The following CSNK1E variants were observed in gnomAD, a reference collection of about 807,000 sequenced individuals.
CSNK1E encodes the protein casein kinase 1 epsilon, also known as casein kinase I isoform epsilon.
In CSNK1E, 17 loss-of-function variants were observed where a neutral mutation model predicts 46.1. That is an observed-to-expected ratio of 0.37 (90% CI 0.25 to 0.55). The LOEUF is 0.55. Ranked by LOEUF, CSNK1E falls within the 20% of genes least tolerant of loss-of-function variation. The pLI, the probability that CSNK1E is intolerant of heterozygous loss-of-function variation, is 0.82. For synonymous variants in CSNK1E, 241 were observed against 242.6 expected (o/e 0.99, Z 0.06); for missense variants, 386 against 595.4 (o/e 0.65, Z 3.66).
At chr22:38,306,460 C>T (rs1446591110) in intron 2 of CSNK1E, among the ~76,000 whole-genome samples, 1 of 152,172 alleles carries the variant, frequency 6.6e-6, no homozygotes, top group Non-Finnish European at 1.5e-5. Context: ...AGGCCGGGCG[C>T]GGTGGCTCAC....
chr22:38,293,950 A>G, intron 9 of CSNK1E, 159 bp downstream of exon 9: 1 of 824,784 alleles, frequency 1.2e-6, no homozygotes, highest in Non-Finnish European at 1.9e-6. Context: ...CAGACCTCAG[A>G]GGATTAAATG....
At chr22:38,301,990 C>T (rs1038283620) in intron 4 of CSNK1E, among the ~76,000 whole-genome samples, 3 of 152,144 alleles carry the variant, frequency 2.0e-5, no homozygotes, top group Admixed American at 2.0e-4. Context: ...AGCTTTCCTC[C>T]CTATGCTGAT....
intron 2 of CSNK1E, among the ~76,000 whole-genome samples, chr22:38,311,037 A>C (rs1424313487): frequency 6.6e-6 from 1 of 152,138 alleles, no homozygotes; most frequent in Non-Finnish European, 1.5e-5. Flanking sequence ...ACCAGTGAAG[A>C]TGGGAGAGTC....
chr22:38,303,288 A>G lies in CSNK1E; in HGVS notation c.77-40T>C, dbSNP rs775098050. 1 of 1,535,466 alleles carries G rather than the reference A, an allele frequency of 6.5e-7. No individual in the cohort carries two copies. The highest frequency in any genetic ancestry group is 8.8e-7 in the Non-Finnish European group (1 of 1,134,808). Reference sequence around the variant, plus strand: ...GAGGCAAGGGACCAGGGTCACCCTCAAAGGCCAGGCAGTCCCAGGCGCCCC... The same window carrying G: ...GAGGCAAGGGACCAGGGTCACCCTCGAAGGCCAGGCAGTCCCAGGCGCCCC... On this transcript the variant is annotated intron_variant, in intron 2 of 10. Coordinates refer to ENST00000396832, the MANE Select transcript of CSNK1E (RefSeq NM_152221.3). This position sits in a 1 kb window ranked among gnomAD's most constrained non-coding sequence, Gnocchi z 4.7.
At position 38,298,815 on chromosome 22, in the gene CSNK1E, A is replaced by G. The variant is rs781661963; in HGVS notation, c.856T>C (p.Tyr286His). The G allele has an allele frequency of 1.2e-6, 2 of 1,614,186 alleles. No homozygotes were observed. The highest frequency in any genetic ancestry group is 1.1e-5 in the South Asian group (1 of 91,082). The change falls in exon 7 of 11, where the codon TAC becomes CAC. Residue 286 changes from tyrosine to histidine, a missense_variant. By Grantham distance (83) the Tyr-to-His change is moderately conservative. This residue lies in a region of CSNK1E where 212 missense variants were observed against 410.2 expected (regional missense o/e 0.52). Coordinates refer to ENST00000396832, the MANE Select transcript of CSNK1E (RefSeq NM_152221.3). The surrounding 1 kb of genome is among the most constrained non-coding windows in gnomAD (Gnocchi z 4.2). Reference protein sequence around the residue: ...LFHRQGFSYDYVFDWNMLKFG... With the variant: ...LFHRQGFSYDHVFDWNMLKFG... ...TTCAGCATGTTCCAGTCAAAGACGT[A>G]GTCATAGGAGAAGCCCTGCCGGTGG...
chr22:38,300,970 C>T lies in CSNK1E; in HGVS notation c.337-18G>A, dbSNP rs200796026. 2.2e-3 allele frequency: 3,607 copies of T among 1,609,700 alleles called. 3 individuals carry two copies. Among genetic ancestry groups the T allele is most frequent in the Non-Finnish European group, 2.9e-3 (3,418 of 1,176,090 alleles). On this transcript the variant is annotated intron_variant, in intron 4 of 10. Transcript: ENST00000396832. The surrounding 1 kb of genome is among the most constrained non-coding windows in gnomAD (Gnocchi z 4.4). ...CGGCTGATCTGGGGAGGAGGGGGGC[C>T]ATTTGTTCAACAGAGGGGCCCTTGC... is the stretch of plus-strand genomic sequence containing the variant.
rs552285492 is a variant in CSNK1E at position 38,300,230 on chromosome 22, C to A, written c.566-165G>T. 7.2e-5 allele frequency among the ~76,000 whole-genome samples: 11 copies of A among 152,356 alleles called. No homozygotes were observed. Among genetic ancestry groups the A allele is most frequent in the Non-Finnish European group, 1.3e-4 (9 of 68,030 alleles). On this transcript the variant is annotated intron_variant, in intron 5 of 10. Transcript: ENST00000396832. This position sits in a 1 kb window ranked among gnomAD's most constrained non-coding sequence, Gnocchi z 4.4. ...AGGCACTGCTATTATCCTCCTCCTA[C>A]AGAGAAGAAGCCTGAGGCAGGGCCT...
In CSNK1E at chr22:38,309,830, G is replaced by C. The variant is rs1040353261; in HGVS notation, c.76+4252C>G. 6.6e-6 allele frequency among the ~76,000 whole-genome samples: 1 copy of C among 152,200 alleles called. No individual in the cohort carries two copies. Among genetic ancestry groups the C allele is most frequent in the Non-Finnish European group, 1.5e-5 (1 of 68,044 alleles). On this transcript the variant is annotated intron_variant, in intron 2 of 10. Coordinates refer to ENST00000396832, the MANE Select transcript of CSNK1E (RefSeq NM_152221.3). This position sits in a 1 kb window ranked among gnomAD's most constrained non-coding sequence, Gnocchi z 4.8. Reference sequence around the variant, plus strand: ...ATGATCATATGCTACAAACTTCCCAGGGACAGGGACCCAAGCTGCTAGGCA... The same window carrying C: ...ATGATCATATGCTACAAACTTCCCACGGACAGGGACCCAAGCTGCTAGGCA...
Position 38,294,367 on chromosome 22 carries a change from C to T in CSNK1E, c.1053G>A (p.Thr351=), listed in dbSNP as rs774275947. 5.8e-6 allele frequency: 9 copies of T among 1,565,050 alleles called. No individual in the cohort carries two copies. The highest frequency in any genetic ancestry group is 1.3e-5 in the African/African-American group (1 of 74,114). ...LRSAAEPVAS[T]PASRIQPAGN... Reference sequence around the variant, plus strand: ...CAGCCGGCTGGATGCGGGAGGCTGGCGTGGAAGCCACGGGCTCGGCGGCAC... The same window carrying T: ...CAGCCGGCTGGATGCGGGAGGCTGGTGTGGAAGCCACGGGCTCGGCGGCAC... The change falls in exon 8 of 11, where the codon ACG becomes ACA. Residue 351 remains threonine, a synonymous_variant. Coordinates refer to ENST00000396832, the MANE Select transcript of CSNK1E (RefSeq NM_152221.3). This position sits in a 1 kb window ranked among gnomAD's most constrained non-coding sequence, Gnocchi z 5.5.
rs750721112 is a variant in CSNK1E, at chr22:38,303,118, G to A, written c.187+20C>T. 4.6e-5 allele frequency: 49 copies of A among 1,059,290 alleles called. No individual in the cohort carries two copies. Among genetic ancestry groups the A allele is most frequent in the Middle Eastern group, 4.5e-4 (2 of 4,408 alleles). The allele number at this position is 1,059,290 out of a possible 1,614,324, so 65.6% of individuals were successfully genotyped here. ...CACCGCCACCCACCCGGCGCCCGCC[G>A]CCGCCCACCCTGCGCTCACCGCCAC... is the stretch of plus-strand genomic sequence containing the variant. On this transcript the variant is annotated intron_variant, in intron 3 of 10. Coordinates refer to ENST00000396832, the MANE Select transcript of CSNK1E (RefSeq NM_152221.3). This position sits in a 1 kb window ranked among gnomAD's most constrained non-coding sequence, Gnocchi z 4.7.
In CSNK1E at chr22:38,314,116, C is replaced by T; in HGVS notation, c.42G>A (p.Lys14=). The T allele has an allele frequency of 1.2e-6, 2 of 1,614,140 alleles. No homozygotes were observed. Among genetic ancestry groups the T allele is most frequent in the Non-Finnish European group, 1.7e-6 (2 of 1,179,980 alleles). The change falls in exon 2 of 11, where the codon AAG becomes AAA. Residue 14 remains lysine, a synonymous_variant. Coordinates refer to ENST00000396832, the MANE Select transcript of CSNK1E (RefSeq NM_152221.3). Reference sequence around the variant, plus strand: ...TATCTCCGAAGGACCCGCTCCCGATCTTCCGTCCCAGGCGGTACTTGTTCC... The same window carrying T: ...TATCTCCGAAGGACCCGCTCCCGATTTTCCGTCCCAGGCGGTACTTGTTCC... ...RVGNKYRLGR[K]IGSGSFGDIY...
At chr22:38,317,461 T>A (rs1246242921), upstream of CSNK1E, 1 of 121,316 alleles carries the variant, frequency 8.2e-6, no homozygotes, top group Non-Finnish European at 1.7e-5. Context: ...CGGCTCCCAT[T>A]GAGCCCCGGG....
At chr22:38,317,775 T>C (rs1209489117), upstream of CSNK1E, among the ~76,000 whole-genome samples, 1 of 151,984 alleles carries the variant, frequency 6.6e-6, no homozygotes, top group African/African-American at 2.4e-5. Flanking sequence ...CCTGCCAGGA[T>C]CTCTCTCCTC....
At chr22:38,299,382 A>G (rs753748549) in intron 6 of CSNK1E, among the ~76,000 whole-genome samples, 4 of 152,218 alleles carry the variant, frequency 2.6e-5, no homozygotes, top group Admixed American at 1.3e-4. Flanking sequence ...CCCTTGGGAG[A>G]TGAGGCAGGA....
chr22:38,301,004 C>A, intron 4 of CSNK1E, 52 bp from the exon 5 acceptor site: 2 of 1,496,140 alleles, frequency 1.3e-6, no homozygotes, highest in Non-Finnish European at 1.9e-6. Context: ...GCCTAGCACT[C>A]TGGGCCAGGC....
At chr22:38,314,939 G>A (rs2092737411) in intron 1 of CSNK1E, among the ~76,000 whole-genome samples, 1 of 152,212 alleles carries the variant, frequency 6.6e-6, no homozygotes, top group Admixed American at 6.5e-5. Flanking sequence ...CGGACACCCT[G>A]TTCCTGGTCA....
rs550689856 is a variant in CSNK1E at position 38,311,172 on chromosome 22, C to G, written c.76+2910G>C. ...CACAGCACTACTGCTGGGCCCAGCA[C>G]ACGTGGGTATTTTACACGCCACGAC... is the stretch of plus-strand genomic sequence containing the variant. On this transcript the variant is annotated intron_variant, in intron 2 of 10. Coordinates refer to ENST00000396832, the MANE Select transcript of CSNK1E (RefSeq NM_152221.3). 6.4e-3 allele frequency among the ~76,000 whole-genome samples: 973 copies of G among 152,284 alleles called. 13 individuals are homozygous for G. The highest frequency in any genetic ancestry group is 0.022 in the African/African-American group (914 of 41,542).
chr22:38,294,302 C>A lies in CSNK1E; in HGVS notation c.1078+40G>T. On this transcript the variant is annotated intron_variant, in intron 8 of 10. Transcript: ENST00000396832. This position sits in a 1 kb window ranked among gnomAD's most constrained non-coding sequence, Gnocchi z 5.5. ...GAGTAGGCACAAACAGAGCCCCCCA[C>A]CCACCCTGAACCCAGCCCACTGCCT... The A allele has an allele frequency of 1.3e-6, 2 of 1,595,934 alleles. No individual in the cohort carries two copies. Among genetic ancestry groups the A allele is most frequent in the Non-Finnish European group, 1.7e-6 (2 of 1,172,608 alleles).
Position 38,303,467 on chromosome 22 carries a change from A to G in CSNK1E, c.77-219T>C, listed in dbSNP as rs2092684291. On this transcript the variant is annotated intron_variant, in intron 2 of 10. Coordinates refer to ENST00000396832, the MANE Select transcript of CSNK1E (RefSeq NM_152221.3). This position sits in a 1 kb window ranked among gnomAD's most constrained non-coding sequence, Gnocchi z 4.7. ...GCTGTGAGGGACAGAGGTGACACAC[A>G]AGGGCTACCCAGGGCCACAGGTTGG... Among the ~76,000 whole-genome samples, 1 of 152,176 alleles carries G rather than the reference A, an allele frequency of 6.6e-6. No homozygotes were observed. Among genetic ancestry groups the G allele is most frequent in the African/African-American group, 2.4e-5 (1 of 41,450 alleles).
Sources: allele counts gnomAD v4.1 joint callset (sites outside exome capture counted in the v4.1 genomes callset), GRCh38; gene constraint gnomAD v4.1.1; regional missense constraint gnomAD v4.1.1; non-coding constraint Gnocchi (gnomAD v3.1); transcripts MANE v1.5; gene names NCBI Gene and HGNC (gene_info 2026-07-23, HGNC 2026-07-21).